DEPDC5: variants seen among roughly 807,000 people sequenced by gnomAD.
DEPDC5 encodes GATOR1 complex protein DEPDC5.
A neutral mutation model predicts 217.3 loss-of-function variants in DEPDC5; 73 were observed. That is an observed-to-expected ratio of 0.34 (90% CI 0.28 to 0.41). The LOEUF (loss-of-function observed/expected upper bound fraction) is 0.41. Among genes scored for constraint, DEPDC5 ranks in the 10% least tolerant of loss-of-function variants. The pLI, the probability that DEPDC5 is intolerant of heterozygous loss-of-function variation, is 1.00. For missense variants in DEPDC5, 1,675 were observed against 2,070.1 expected, an observed-to-expected ratio of 0.81 and a Z score of 3.70; for synonymous variants, 733 against 756.7, an observed-to-expected ratio of 0.97 and a Z score of 0.51.
At chr22:31,768,027 G>A (rs1413099351) in intron 6 of DEPDC5, among the ~76,000 whole-genome samples, 1 of 151,534 alleles carries the variant, frequency 6.6e-6, no homozygotes, top group Non-Finnish European at 1.5e-5. Flanking sequence ...TTACAGGTGT[G>A]AGCCAGTGCA....
intron 2 of DEPDC5, among the ~76,000 whole-genome samples, chr22:31,757,970 G>A (rs952530386): frequency 1.3e-5 from 2 of 152,128 alleles, no homozygotes; most frequent in Non-Finnish European, 2.9e-5. Context: ...CGCCATGTTC[G>A]CCAGGCTGGT....
chr22:31,847,068 A>T, intron 31 of DEPDC5, 101 bp downstream of exon 31: 2 of 1,528,704 alleles, frequency 1.3e-6, no homozygotes, highest in African/African-American at 1.4e-5. Flanking sequence ...CTTTACAAGG[A>T]GCTTGTAATT....
In DEPDC5 at chr22:31,845,046, A is replaced by G. The variant is rs1006432023; in HGVS notation, c.2830A>G (p.Thr944Ala). ...SLIESLKFWR[T>A]RFLLLPACVT... ...AATTGAGTCCCTGAAGTTCTGGAGG[A>G]CCCGCTTCCTGCTGCTGCCAGCCTG... Residue 944 changes from threonine (T) to alanine (A), a missense_variant, in exon 30 of 43, where the codon ACC becomes GCC. Thr to Ala is a moderately conservative substitution (Grantham distance 58, BLOSUM62 0). Around this residue, in one of 11 missense-constraint regions of DEPDC5, gnomAD observed 293 missense variants for 386.1 expected, o/e 0.76. Coordinates refer to ENST00000651528, the MANE Select transcript of DEPDC5 (RefSeq NM_001242896.3). 6.2e-7 allele frequency: 1 copy of G among 1,613,652 alleles called. No individual in the cohort carries two copies. The highest frequency in any genetic ancestry group is 1.3e-5 in the African/African-American group (1 of 74,770).
At chr22:31,884,596 A>G (rs2093260862) in intron 38 of DEPDC5, among the ~76,000 whole-genome samples, 1 of 152,070 alleles carries the variant, frequency 6.6e-6, no homozygotes, top group Admixed American at 6.6e-5. Context: ...CAGCAACCTA[A>G]TCTTTTAATA....
rs1163631222 is a variant in DEPDC5 at position 31,879,522 on chromosome 22, C to T, written c.3806-3C>T. On this transcript the variant is annotated splice_region_variant and splice_polypyrimidine_tract_variant and intron_variant, in intron 37 of 42. Coordinates refer to ENST00000651528, the MANE Select transcript of DEPDC5 (RefSeq NM_001242896.3). ...CTCCTTCTCTCCCCTCCACTTTTCCCAGTGGCCATGCAGCAGCCCGCCACC... is the reference window on the plus strand; with the variant it reads ...CTCCTTCTCTCCCCTCCACTTTTCCTAGTGGCCATGCAGCAGCCCGCCACC... 3 of 1,608,030 alleles carry T rather than the reference C, an allele frequency of 1.9e-6. No individual in the cohort carries two copies. In the East Asian group the frequency reaches 6.7e-5, roughly 36 times the overall value.
chr22:31,770,175 C>T (rs1353977653), intron 7 of DEPDC5, among the ~76,000 whole-genome samples: 1 of 150,684 alleles, frequency 6.6e-6, no homozygotes, highest in Non-Finnish European at 1.5e-5. Flanking sequence ...GTTGGGGCTG[C>T]AGTGAGACAT....
At chr22:31,861,178 CTT>C (rs541299740) in intron 32 of DEPDC5, among the ~76,000 whole-genome samples, 188 bp from the exon 33 acceptor site, 9 of 141,846 alleles carry the variant, frequency 6.3e-5, no homozygotes, top group Non-Finnish European at 9.3e-5. Context: ...CTCTCTCTCT[CTT>C]TTTTTTTTTT....
chr22:31,770,611 C>T (rs2083262243), intron 7 of DEPDC5, among the ~76,000 whole-genome samples: 1 of 142,012 alleles, frequency 7.0e-6, no homozygotes, highest in African/African-American at 2.6e-5. Context: ...TCAGGCTGGT[C>T]TCGAACTCCT....
chr22:31,815,460 G>C lies in DEPDC5; in HGVS notation c.1666+248G>C, dbSNP rs543198894. Reference sequence around the variant, plus strand: ...AGTGATGCAATCACAGCTCACCTCAGTGCGGCCTTGAACTCCTGGACTCAA... The same window carrying C: ...AGTGATGCAATCACAGCTCACCTCACTGCGGCCTTGAACTCCTGGACTCAA... On this transcript the variant is annotated intron_variant, in intron 21 of 42. Coordinates refer to ENST00000651528, the MANE Select transcript of DEPDC5 (RefSeq NM_001242896.3). 66 of 674,364 alleles carry C rather than the reference G, an allele frequency of 9.8e-5. No homozygotes were observed. In the East Asian group the frequency reaches 1.8e-3, roughly 18 times the overall value. The allele number at this position is 674,364 out of a possible 1,614,324, so 41.8% of individuals were successfully genotyped here. A position where few individuals can be genotyped will look rare whatever the true frequency, so the allele number is the denominator to read the frequency against.
intron 40 of DEPDC5, among the ~76,000 whole-genome samples, chr22:31,899,355 T>C (rs1040827401): frequency 6.6e-6 from 1 of 152,178 alleles, no homozygotes; most frequent in African/African-American, 2.4e-5. Context: ...GTGGATTTTC[T>C]CTGTTTAAAG....
chr22:31,784,605 G>A (rs2148412331), intron 9 of DEPDC5: 1 of 436,614 alleles, frequency 2.3e-6, no homozygotes, highest in Middle Eastern at 6.6e-4. Context: ...GGGAGACAAA[G>A]TGAGACTCCC....
chr22:31,845,088 C>T lies in DEPDC5; in HGVS notation c.2872C>T (p.Arg958Cys), dbSNP rs1438833813. Residue 958 changes from arginine (R) to cysteine (C), a missense_variant, in exon 30 of 43, where the codon CGC (arginine) becomes TGC (cysteine). Transcript: ENST00000651528. ...LLPACVTATKRITEGEAHCDI... is the reference protein window; with the variant it reads ...LLPACVTATKCITEGEAHCDI... Reference sequence around the variant, plus strand: ...GCCAGCCTGTGTCACCGCCACCAAGCGCATCACGGAGGGGGAGGCCCACTG... The same window carrying T: ...GCCAGCCTGTGTCACCGCCACCAAGTGCATCACGGAGGGGGAGGCCCACTG... The T allele has an allele frequency of 5.6e-6, 9 of 1,614,190 alleles. No individual in the cohort carries two copies. Among genetic ancestry groups the T allele is most frequent in the Middle Eastern group, 1.7e-4 (1 of 6,060 alleles).
chr22:31,855,314 T>G (rs775412814), intron 31 of DEPDC5, among the ~76,000 whole-genome samples: 29 of 152,054 alleles, frequency 1.9e-4, no homozygotes, highest in Non-Finnish European at 4.3e-4. Flanking sequence ...AGAAAAATTG[T>G]TATCTTTTAG....
At chr22:31,828,326 C>T (rs1243095778) in intron 24 of DEPDC5, among the ~76,000 whole-genome samples, 1 of 152,090 alleles carries the variant, frequency 6.6e-6, no homozygotes, top group Non-Finnish European at 1.5e-5. Context: ...TGGCGCATGC[C>T]TGTAATCCCA....
At chr22:31,795,131 C>T (rs1353848764) in intron 12 of DEPDC5, among the ~76,000 whole-genome samples, 1 of 138,068 alleles carries the variant, frequency 7.2e-6, no homozygotes, top group Non-Finnish European at 1.5e-5. Context: ...AGTGCACTAG[C>T]GTGATCTCAG....
intron 10 of DEPDC5, among the ~76,000 whole-genome samples, chr22:31,786,217 C>T (rs1299707456): frequency 6.7e-6 from 1 of 149,012 alleles, no homozygotes; most frequent in Non-Finnish European, 1.5e-5. Context: ...GATTATGCCA[C>T]CGTACTCCAG....
At chr22:31,898,584 C>T (rs891472780) in intron 40 of DEPDC5, among the ~76,000 whole-genome samples, 3 of 152,164 alleles carry the variant, frequency 2.0e-5, no homozygotes, top group Non-Finnish European at 4.4e-5. Context: ...AAGTCTGTGT[C>T]GTGATCAGCG....
At chr22:31,799,637 G>A (rs1195594825) in intron 14 of DEPDC5, among the ~76,000 whole-genome samples, 1 of 147,426 alleles carries the variant, frequency 6.8e-6, no homozygotes, top group African/African-American at 2.5e-5. Flanking sequence ...GAGCAGCTGG[G>A]ACTACAGGTG....
chr22:31,824,324 C>T (rs565013860), intron 24 of DEPDC5, among the ~76,000 whole-genome samples: 5 of 149,446 alleles, frequency 3.3e-5, no homozygotes, highest in Admixed American at 2.0e-4. Context: ...CCAGCCTGGG[C>T]GACAGAGCGA....
Sources: gnomAD v4.1 joint callset for allele counts (sites outside exome capture counted in the v4.1 genomes callset) on GRCh38, gnomAD v4.1.1 for gene constraint, gnomAD v4.1.1 regional missense constraint, MANE v1.5 for transcripts, NCBI Gene and HGNC (gene_info 2026-07-23, HGNC 2026-07-21) for gene names.